GFRA1: variants seen among roughly 807,000 people sequenced by gnomAD.
GFRA1 encodes the protein GDNF family receptor alpha-1.
In GFRA1, 16 loss-of-function variants were observed where a neutral mutation model predicts 51.6. The ratio of observed to expected loss-of-function variants is 0.31; its 90% CI spans 0.21 to 0.47. GFRA1 has a LOEUF of 0.47. Among genes scored for constraint, GFRA1 ranks in the 20% least tolerant of loss-of-function variants. The pLI is 1.00. For missense variants in GFRA1, 530 were observed against 594.3 expected, an observed-to-expected ratio of 0.89 and a Z score of 1.13; for synonymous variants, 270 against 241.3, an observed-to-expected ratio of 1.12 and a Z score of -1.10.
intron 5 of GFRA1, among the ~76,000 whole-genome samples, chr10:116,174,159 A>G (rs979908054): frequency 5.7e-5 from 8 of 141,036 alleles, no homozygotes; most frequent in Non-Finnish European, 1.1e-4. Flanking sequence ...AAAAAAAAAA[A>G]TTGCTTTGCC....
chr10:116,205,221 A>T (rs759254724), intron 5 of GFRA1, among the ~76,000 whole-genome samples: 3 of 152,124 alleles, frequency 2.0e-5, no homozygotes, highest in Non-Finnish European at 4.4e-5. Context: ...TGTGCAAAAT[A>T]CTTAGCTCAA....
chr10:116,150,147 A>G (rs1165650441), intron 5 of GFRA1, among the ~76,000 whole-genome samples: 2 of 152,156 alleles, frequency 1.3e-5, no homozygotes, highest in Non-Finnish European at 2.9e-5. Context: ...GATGAACACC[A>G]GCACTAACCT....
intron 8 of GFRA1, among the ~76,000 whole-genome samples, chr10:116,092,662 AT>A (rs1186535949): frequency 6.6e-6 from 1 of 152,252 alleles, no homozygotes; most frequent in East Asian, 1.9e-4. Context: ...CCGCAAAAGG[AT>A]TCACACTTCA....
chr10:116,102,334 A>G (rs536310869), intron 6 of GFRA1, among the ~76,000 whole-genome samples: 1 of 152,308 alleles, frequency 6.6e-6, no homozygotes, highest in Admixed American at 6.5e-5. Flanking sequence ...GGTACTTTGA[A>G]TGTATTGCAA....
At chr10:116,223,672 C>T (rs918635423) in intron 4 of GFRA1, among the ~76,000 whole-genome samples, 5 of 152,194 alleles carry the variant, frequency 3.3e-5, no homozygotes, top group Admixed American at 3.3e-4. Flanking sequence ...AAATGTTTCC[C>T]TCCTTGTGAA....
intron 5 of GFRA1, among the ~76,000 whole-genome samples, chr10:116,205,029 C>T (rs1168595831): frequency 1.3e-5 from 2 of 152,094 alleles, no homozygotes; most frequent in East Asian, 3.9e-4. Context: ...AGAATGTGCC[C>T]TTGATATGAT....
At chr10:116,074,348 T>G (rs1955527939) in intron 9 of GFRA1, among the ~76,000 whole-genome samples, 1 of 152,198 alleles carries the variant, frequency 6.6e-6, no homozygotes, top group South Asian at 2.1e-4. Context: ...CAGCTCATTA[T>G]CCTGGTGACA....
chr10:116,234,156 T>C (rs1966840635), intron 4 of GFRA1, among the ~76,000 whole-genome samples: 1 of 152,232 alleles, frequency 6.6e-6, no homozygotes, highest in African/African-American at 2.4e-5. Context: ...TTGTTGTTGT[T>C]ACCTTTTTAA....
chr10:116,197,977 C>G (rs193103071), intron 5 of GFRA1, among the ~76,000 whole-genome samples: 18 of 152,232 alleles, frequency 1.2e-4, no homozygotes, highest in African/African-American at 3.4e-4. Context: ...AGTGGCAGGT[C>G]ACGGAGCCAG....
intron 5 of GFRA1, among the ~76,000 whole-genome samples, chr10:116,183,277 A>G (rs1440157925): frequency 6.6e-6 from 1 of 152,162 alleles, no homozygotes; most frequent in African/African-American, 2.4e-5. Context: ...AGTACCCCAC[A>G]CTGGAAATCA....
intron 4 of GFRA1, among the ~76,000 whole-genome samples, chr10:116,237,243 T>C (rs996850046): frequency 5.9e-5 from 9 of 152,222 alleles, no homozygotes; most frequent in Non-Finnish European, 1.0e-4. Flanking sequence ...GGTCTTTACA[T>C]AGACAGCTAT....
chr10:116,221,065 T>C (rs1461522378), intron 4 of GFRA1, among the ~76,000 whole-genome samples: 2 of 152,190 alleles, frequency 1.3e-5, no homozygotes, highest in African/African-American at 2.4e-5. Flanking sequence ...TACTTATTAA[T>C]ATTAATAATA....
chr10:116,221,662 T>A (rs901985470), intron 4 of GFRA1, among the ~76,000 whole-genome samples: 7 of 152,098 alleles, frequency 4.6e-5, no homozygotes, highest in African/African-American at 1.7e-4. Flanking sequence ...TGACCTCAGG[T>A]GATCTGCCCA....
chr10:116,085,693 C>A (rs151118973), intron 9 of GFRA1, among the ~76,000 whole-genome samples: 1 of 152,070 alleles, frequency 6.6e-6, no homozygotes, highest in African/African-American at 2.4e-5. Flanking sequence ...CTCTCATCCC[C>A]CCCATCCTCT....
intron 4 of GFRA1, among the ~76,000 whole-genome samples, chr10:116,232,500 T>C (rs1424567977): frequency 2.2e-5 from 1 of 46,500 alleles, no homozygotes; most frequent in Non-Finnish European, 5.5e-5. Context: ...TGTTTCCTCA[T>C]ACAAAAAAAA....
chr10:116,086,298 C>T (rs371634558), intron 9 of GFRA1, among the ~76,000 whole-genome samples: 1 of 152,216 alleles, frequency 6.6e-6, no homozygotes, highest in East Asian at 1.9e-4. Flanking sequence ...GCACCACCTT[C>T]CATCTGTTGT....
intron 4 of GFRA1, among the ~76,000 whole-genome samples, chr10:116,265,662 T>TGCA (rs1486686485): frequency 2.6e-5 from 4 of 152,166 alleles, no homozygotes; most frequent in Admixed American, 2.6e-4. Context: ...CCGGGAGAGA[T>TGCA]GCAGATGCTA....
At chr10:116,218,134 G>T (rs1448646873) in intron 4 of GFRA1, among the ~76,000 whole-genome samples, 2 of 152,170 alleles carry the variant, frequency 1.3e-5, no homozygotes, top group African/African-American at 4.8e-5. Context: ...GATCTAAGAG[G>T]TTGCGGTTAG....
At chr10:116,170,689 C>T (rs1055716079) in intron 5 of GFRA1, among the ~76,000 whole-genome samples, 15 of 152,118 alleles carry the variant, frequency 9.9e-5, no homozygotes, top group Admixed American at 6.5e-4. Flanking sequence ...AATAAGCCTC[C>T]GCTTTTTTCA....
Sources: allele counts gnomAD v4.1 joint callset (sites outside exome capture counted in the v4.1 genomes callset), GRCh38; gene constraint gnomAD v4.1.1; transcripts MANE v1.5; gene names NCBI Gene and HGNC (gene_info 2026-07-23, HGNC 2026-07-21).